The following KLHL29 variants were observed in gnomAD, a reference collection of about 807,000 sequenced individuals.
KLHL29 encodes kelch like family member 29.
A neutral mutation model predicts 80.4 loss-of-function variants in KLHL29; 21 were observed. The observed-to-expected ratio is 0.26, with a 90% CI of 0.19 to 0.38. The LOEUF (loss-of-function observed/expected upper bound fraction) is 0.38, where lower values mean the gene tolerates loss of function less well. KLHL29 is among the 10% of genes least tolerant of loss of function. The pLI, the probability that KLHL29 is intolerant of heterozygous loss-of-function variation, is 1.00. For missense variants in KLHL29, 867 were observed against 1,223.9 expected (o/e 0.71, Z 4.35); for synonymous variants, 511 against 526.8 (o/e 0.97, Z 0.41).
intron 2 of KLHL29, among the ~76,000 whole-genome samples, chr2:23,533,209 G>A (rs116152260): frequency 0.016 from 2,502 of 152,266 alleles, 66 homozygotes; most frequent in African/African-American, 0.056. Context: ...GCGTATGTGT[G>A]AGTGTGTGCA....
At chr2:23,434,649 A>G (rs757677285) in intron 1 of KLHL29, among the ~76,000 whole-genome samples, 43 of 152,196 alleles carry the variant, frequency 2.8e-4, no homozygotes, top group Non-Finnish European at 5.6e-4. Context: ...GGGGTTTTAT[A>G]TACATTTTCT....
intron 1 of KLHL29, among the ~76,000 whole-genome samples, chr2:23,402,866 A>G (rs1244310906): frequency 1.3e-5 from 2 of 151,600 alleles, no homozygotes. Flanking sequence ...GTGTGTATAT[A>G]TATGTACATA....
At chr2:23,663,437 C>G (rs765863787) in intron 5 of KLHL29, among the ~76,000 whole-genome samples, 1 of 152,210 alleles carries the variant, frequency 6.6e-6, no homozygotes, top group Non-Finnish European at 1.5e-5. Flanking sequence ...TCCGCCGTCA[C>G]GTGTGCCGGG....
Position 23,639,166 on chromosome 2 carries a change from C to G in KLHL29, c.313C>G (p.Gln105Glu), listed in dbSNP as rs779027929. The G allele has an allele frequency of 6.5e-7, 1 of 1,541,200 alleles. No homozygotes were observed. The highest frequency in any genetic ancestry group is 8.7e-7 in the Non-Finnish European group (1 of 1,143,200). Residue 105 changes from glutamine (Q) to glutamate (E), a missense_variant, in exon 4 of 14, where the codon CAG (glutamine) becomes GAG (glutamate). Physicochemically the swap from Gln to Glu is conservative, Grantham distance 29 (BLOSUM62 2). This residue lies in a region of KLHL29 where 424 missense variants were observed against 456.9 expected (regional missense o/e 0.93). Coordinates refer to ENST00000486442, the MANE Select transcript of KLHL29 (RefSeq NM_052920.2). ...KAPGISKGDS[Q>E]SQGLATSIRW... ...TCCCGGCATCTCCAAAGGGGACAGT[C>G]AGTCCCAGGGACTGGCGACCAGCAT... is the stretch of plus-strand genomic sequence containing the variant.
intron 3 of KLHL29, among the ~76,000 whole-genome samples, chr2:23,584,866 A>C (rs1668078495): frequency 6.6e-6 from 1 of 152,144 alleles, no homozygotes; most frequent in African/African-American, 2.4e-5. Flanking sequence ...CCTCCTGAGT[A>C]GCTGGGATTA....
chr2:23,504,274 A>G (rs1572362113), intron 2 of KLHL29, among the ~76,000 whole-genome samples: 1 of 152,226 alleles, frequency 6.6e-6, no homozygotes, highest in East Asian at 1.9e-4. Context: ...GAGATCTAGA[A>G]CGTTAATTTA....
chr2:23,617,896 G>C (rs772515557), intron 3 of KLHL29: 1 of 152,212 alleles, frequency 6.6e-6, no homozygotes, highest in East Asian at 1.9e-4. Context: ...GCCGGGCCGC[G>C]AGAGGGAACC....
At chr2:23,548,518 A>G (rs771039793) in intron 2 of KLHL29, among the ~76,000 whole-genome samples, 5 of 152,220 alleles carry the variant, frequency 3.3e-5, no homozygotes, top group Non-Finnish European at 5.9e-5. Context: ...TTGGCCAATG[A>G]CACCAGAGCA....
At chr2:23,613,389 AT>A in intron 3 of KLHL29, among the ~76,000 whole-genome samples, 1 of 152,362 alleles carries the variant, frequency 6.6e-6, no homozygotes, top group East Asian at 1.9e-4. Flanking sequence ...TATACTATGC[AT>A]AAAAGCAGGT....
intron 1 of KLHL29, among the ~76,000 whole-genome samples, chr2:23,396,840 G>A (rs771548155): frequency 2.6e-5 from 4 of 152,100 alleles, no homozygotes; most frequent in Non-Finnish European, 5.9e-5. Context: ...ATATGATGTG[G>A]GGAAACTGCC....
chr2:23,412,534 G>T (rs573419480), intron 1 of KLHL29, among the ~76,000 whole-genome samples: 1 of 152,308 alleles, frequency 6.6e-6, no homozygotes, highest in South Asian at 2.1e-4. Flanking sequence ...TGTTCTCCAA[G>T]GCTTAGGAGG....
At chr2:23,610,713 C>T (rs1244541126) in intron 3 of KLHL29, among the ~76,000 whole-genome samples, 1 of 152,248 alleles carries the variant, frequency 6.6e-6, no homozygotes, top group Non-Finnish European at 1.5e-5. Context: ...AAATGCTATG[C>T]AGAAAGCCTG....
intron 2 of KLHL29, among the ~76,000 whole-genome samples, chr2:23,494,993 G>A (rs1298832291): frequency 6.6e-6 from 1 of 152,208 alleles, no homozygotes; most frequent in Non-Finnish European, 1.5e-5. Flanking sequence ...GGCCTTCAGT[G>A]CTGCCTCAGT....
chr2:23,403,187 C>A (rs1316895849), intron 1 of KLHL29, among the ~76,000 whole-genome samples: 1 of 152,080 alleles, frequency 6.6e-6, no homozygotes, highest in Non-Finnish European at 1.5e-5. Flanking sequence ...CCTAACAAGG[C>A]AAAAGAATTA....
chr2:23,447,671 T>C (rs544540769), intron 1 of KLHL29, among the ~76,000 whole-genome samples: 3 of 152,340 alleles, frequency 2.0e-5, no homozygotes, highest in African/African-American at 7.2e-5. Context: ...CATTATTTCT[T>C]ATCCGAAGGG....
At position 23,702,142 on chromosome 2, in the gene KLHL29, A is replaced by T. The variant is rs1572534675; in HGVS notation, c.2106-1044A>T. Among the ~76,000 whole-genome samples, 8 of 150,318 alleles carry T rather than the reference A, an allele frequency of 5.3e-5. No individual in the cohort carries two copies. The South Asian group carries it at 1.7e-3, about 32-fold the overall frequency. On this transcript the variant is annotated intron_variant, in intron 11 of 13. Coordinates refer to ENST00000486442, the MANE Select transcript of KLHL29 (RefSeq NM_052920.2). ...CCAGCCCACATGGCTCTTTTTAACT[A>T]CCCCCCACTTCCAGCCATTCCATAC...
At chr2:23,655,902 G>A (rs755960304) in intron 5 of KLHL29, among the ~76,000 whole-genome samples, 6 of 152,148 alleles carry the variant, frequency 3.9e-5, no homozygotes, top group East Asian at 1.9e-4. Flanking sequence ...GAATCATCAC[G>A]CGGCATCCCC....
At chr2:23,530,524 G>A (rs1482858022) in intron 2 of KLHL29, among the ~76,000 whole-genome samples, 15 of 152,128 alleles carry the variant, frequency 9.9e-5, no homozygotes, top group Non-Finnish European at 1.6e-4. Flanking sequence ...TCCTACCAGC[G>A]GCCATATGGT....
At chr2:23,533,461 A>G (rs1233341705) in intron 2 of KLHL29, among the ~76,000 whole-genome samples, 2 of 152,142 alleles carry the variant, frequency 1.3e-5, no homozygotes, top group Non-Finnish European at 2.9e-5. Flanking sequence ...GGCGTCAGAG[A>G]AAACGTGAGC....
Sources: gnomAD v4.1 joint callset for allele counts (sites outside exome capture counted in the v4.1 genomes callset) on GRCh38, gnomAD v4.1.1 for gene constraint, gnomAD v4.1.1 regional missense constraint, MANE v1.5 for transcripts, NCBI Gene and HGNC (gene_info 2026-07-23, HGNC 2026-07-21) for gene names.